Variants in CAMK4 observed in about 807,000 individuals in gnomAD.
CAMK4 encodes the protein calcium/calmodulin-dependent protein kinase type IV.
Under a neutral mutation model 44.9 loss-of-function variants are expected in CAMK4, and 22 were observed. That is an observed-to-expected ratio of 0.49 (90% CI 0.35 to 0.70). The LOEUF is 0.70. Ranked by LOEUF, CAMK4 falls within the 30% of genes least tolerant of loss-of-function variation. CAMK4 has a pLI of 0.01. For synonymous variants in CAMK4, 218 were observed against 215.4 expected, an observed-to-expected ratio of 1.01 and a Z score of -0.11; for missense variants, 498 against 586.8, an observed-to-expected ratio of 0.85 and a Z score of 1.56.
intron 1 of CAMK4, among the ~76,000 whole-genome samples, chr5:111,296,545 T>C (rs1644510): frequency 0.25 from 37,605 of 152,186 alleles, 4,592 homozygotes; most frequent in South Asian, 0.38. Context: ...CATTCTATGA[T>C]TGTTTTATCA....
chr5:111,395,211 C>CAAA (rs1175802762), intron 5 of CAMK4, among the ~76,000 whole-genome samples: 10 of 90,624 alleles, frequency 1.1e-4, no homozygotes, highest in Admixed American at 4.4e-4. Context: ...GACCCTGTCT[C>CAAA]AAAAAAAAAA....
Position 111,482,866 on chromosome 5 carries a change from GCAGCCAATTTTGTA to G in CAMK4, c.913_926del (p.Ala305HisfsTer16). On this transcript the variant is annotated frameshift_variant, in exon 10 of 11. Transcript: ENST00000282356. LOFTEE classifies it high-confidence loss of function. The surrounding 1 kb of genome is among the most constrained non-coding windows in gnomAD (Gnocchi z 4.9). ...CCAGCATCCGTGGGTCACAGGTAAA[GCAGCCAATTTTGTA>G]CACATGGATACCGCTCAAAAGAAGC... 1 of 1,613,600 alleles carries G rather than the reference GCAGCCAATTTTGTA, an allele frequency of 6.2e-7. No homozygotes were observed. Among genetic ancestry groups the G allele is most frequent in the Non-Finnish European group, 8.5e-7 (1 of 1,179,760 alleles).
intron 5 of CAMK4, among the ~76,000 whole-genome samples, chr5:111,403,160 A>G (rs536733085): frequency 6.6e-6 from 1 of 152,342 alleles, no homozygotes; most frequent in East Asian, 1.9e-4. Context: ...AATATCAAAC[A>G]TACACCCACA....
At chr5:111,244,216 C>G (rs570689202) in intron 1 of CAMK4, among the ~76,000 whole-genome samples, 1 of 152,298 alleles carries the variant, frequency 6.6e-6, no homozygotes, top group East Asian at 1.9e-4. Flanking sequence ...GAAACTATTA[C>G]AGATTTAGAT....
At chr5:111,374,704 A>C in intron 2 of CAMK4, 146 bp from the exon 3 acceptor site, 1 of 614,606 alleles carries the variant, frequency 1.6e-6, no homozygotes, top group East Asian at 2.8e-5. Flanking sequence ...GCTGAAAAAG[A>C]AAGAGAGGAA....
chr5:111,373,214 A>G (rs895860313), intron 2 of CAMK4, among the ~76,000 whole-genome samples: 2 of 152,186 alleles, frequency 1.3e-5, no homozygotes, highest in Admixed American at 6.6e-5. Context: ...GCAGTTTACC[A>G]TGACTTTATG....
chr5:111,325,666 A>C (rs1283644439), intron 1 of CAMK4, among the ~76,000 whole-genome samples: 1 of 152,110 alleles, frequency 6.6e-6, no homozygotes, highest in Non-Finnish European at 1.5e-5. Context: ...TCTTGGCCAC[A>C]TAAATGTCTT....
chr5:111,414,881 C>T (rs1219566624), intron 5 of CAMK4, among the ~76,000 whole-genome samples: 1 of 151,974 alleles, frequency 6.6e-6, no homozygotes, highest in African/African-American at 2.4e-5. Context: ...ACATATGTAC[C>T]ATATCCCCTA....
At chr5:111,295,931 C>T (rs1747465870) in intron 1 of CAMK4, among the ~76,000 whole-genome samples, 1 of 152,178 alleles carries the variant, frequency 6.6e-6, no homozygotes, top group South Asian at 2.1e-4. Context: ...TCTTCATTTG[C>T]TACGTAGTTG....
upstream of CAMK4, chr5:111,224,353 T>C (rs1748054112): frequency 7.9e-7 from 1 of 1,258,436 alleles, no homozygotes. This position sits in a 1 kb window ranked among gnomAD's most constrained non-coding sequence, Gnocchi z 5.7. Context: ...GCGGCGGCGG[T>C]GGGCGTGTGC....
intron 2 of CAMK4, among the ~76,000 whole-genome samples, chr5:111,346,482 T>TTATCTGTCTATCTATCTATCTATCTATC (rs148693533): frequency 1.3e-5 from 2 of 149,918 alleles, no homozygotes; most frequent in South Asian, 2.1e-4. Flanking sequence ...GCTTGAAACT[T>TTATCTGTCTATCTATCTATCTATCTATC]TATCTATCTA....
intron 1 of CAMK4, among the ~76,000 whole-genome samples, chr5:111,338,684 G>T (rs770652315): frequency 6.6e-6 from 1 of 151,320 alleles, no homozygotes; most frequent in Non-Finnish European, 1.5e-5. Context: ...CATATAGCTA[G>T]CCAGCTATCC....
At chr5:111,333,705 A>C (rs916406331) in intron 1 of CAMK4, among the ~76,000 whole-genome samples, 1 of 151,644 alleles carries the variant, frequency 6.6e-6, no homozygotes, top group African/African-American at 2.4e-5. Context: ...GCTGTTAGGC[A>C]ACAACTTAAG....
chr5:111,321,730 G>C (rs186359523), intron 1 of CAMK4, among the ~76,000 whole-genome samples: 31 of 152,114 alleles, frequency 2.0e-4, no homozygotes, highest in African/African-American at 6.0e-4. Flanking sequence ...TTTTGACATA[G>C]TATAATTATA....
chr5:111,474,228 A>C (rs1755160361), intron 8 of CAMK4, among the ~76,000 whole-genome samples: 1 of 152,264 alleles, frequency 6.6e-6, no homozygotes, highest in Non-Finnish European at 1.5e-5. Context: ...AGGGTTTGAA[A>C]GTAGGTATAC....
chr5:111,319,087 C>G (rs1015953488), intron 1 of CAMK4, among the ~76,000 whole-genome samples: 9 of 152,134 alleles, frequency 5.9e-5, no homozygotes, highest in Non-Finnish European at 1.0e-4. Context: ...ATGAAAGACA[C>G]TAGCTTGTCA....
chr5:111,223,655 T>C (rs1748027300), upstream of CAMK4: 1 of 152,302 alleles, frequency 6.6e-6, no homozygotes, highest in Non-Finnish European at 1.5e-5. The surrounding 1 kb of genome is among the most constrained non-coding windows in gnomAD (Gnocchi z 4.3). Flanking sequence ...GAGGAGGCAG[T>C]GCCACCAGCA....
intron 1 of CAMK4, among the ~76,000 whole-genome samples, chr5:111,280,547 G>A (rs1264536142): frequency 6.6e-6 from 1 of 152,158 alleles, no homozygotes; most frequent in African/African-American, 2.4e-5. Flanking sequence ...AAAGAACTTG[G>A]CACAAAAATG....
chr5:111,342,217 A>G (rs1160025451), intron 1 of CAMK4, among the ~76,000 whole-genome samples: 1 of 151,350 alleles, frequency 6.6e-6, no homozygotes, highest in African/African-American at 2.4e-5. Flanking sequence ...GAGACAGTGT[A>G]TTGAAGTTTC....
Sources: allele counts gnomAD v4.1 joint callset (sites outside exome capture counted in the v4.1 genomes callset), GRCh38; gene constraint gnomAD v4.1.1; non-coding constraint Gnocchi (gnomAD v3.1); transcripts MANE v1.5; gene names NCBI Gene and HGNC (gene_info 2026-07-23, HGNC 2026-07-21).